Variants in HSPA12B observed in about 807,000 individuals in gnomAD.
HSPA12B encodes the protein heat shock 70 kDa protein 12B.
In HSPA12B, 54 loss-of-function variants were observed where a neutral mutation model predicts 69.3. That is an observed-to-expected ratio of 0.78 (90% CI 0.63 to 0.98). The LOEUF is 0.98. Ranked by LOEUF, HSPA12B falls within the 50% of genes least tolerant of loss-of-function variation. The pLI, the probability that HSPA12B is intolerant of heterozygous loss-of-function variation, is 0.00. For synonymous variants in HSPA12B, 441 were observed against 436.5 expected (o/e 1.01, Z -0.13); for missense variants, 929 against 999.8 (o/e 0.93, Z 0.96).
Position 3,751,608 on chromosome 20 carries a change from G to T in HSPA12B, c.1503G>T (p.Ala501=). Residue 501 remains alanine, a synonymous_variant, in exon 13 of 13, where the codon GCG becomes GCT. Coordinates refer to ENST00000254963, the MANE Select transcript of HSPA12B (RefSeq NM_052970.5). The part of the protein sequence containing the change: ...ESAVLQHAVQ[A]ALGARGLRVV... ...CGGTGCTGCAGCACGCGGTGCAGGC[G>T]GCGCTGGGCGCCCGCGGTCTGCGTG... 6.5e-7 allele frequency: 1 copy of T among 1,528,068 alleles called. No homozygotes were observed. The highest frequency in any genetic ancestry group is 2.5e-5 in the East Asian group (1 of 40,538). 94.7% of individuals were successfully genotyped at this position (1,528,068 alleles called of 1,614,324 possible). A position where few individuals can be genotyped will look rare whatever the true frequency, so the allele number is the denominator to read the frequency against.
Position 3,737,265 on chromosome 20 carries a change from G to A in HSPA12B, c.-17-1393G>A, listed in dbSNP as rs917421868. ...ATATCCTGCCTATAGCCTGGCCCCAGAACTTCATAGACAGGATCGAGCCCC... is the reference window on the plus strand; with the variant it reads ...ATATCCTGCCTATAGCCTGGCCCCAAAACTTCATAGACAGGATCGAGCCCC... On this transcript the variant is annotated intron_variant, in intron 1 of 12. Coordinates refer to ENST00000254963, the MANE Select transcript of HSPA12B (RefSeq NM_052970.5). This position sits in a 1 kb window ranked among gnomAD's most constrained non-coding sequence, Gnocchi z 4.1. Among the ~76,000 whole-genome samples the A allele has an allele frequency of 1.3e-5, 2 of 152,122 alleles. No homozygotes were observed. Among genetic ancestry groups the A allele is most frequent in the African/African-American group, 4.8e-5 (2 of 41,410 alleles).
At position 3,745,775 on chromosome 20, in the gene HSPA12B, C is replaced by T. The variant is rs1331124475; in HGVS notation, c.559-140C>T. The T allele has an allele frequency of 3.1e-6, 3 of 957,362 alleles. No homozygotes were observed. In the East Asian group the frequency reaches 7.2e-5, roughly 23 times the overall value. The allele number at this position is 957,362 out of a possible 1,614,324, so 59.3% of individuals were successfully genotyped here. Reference sequence around the variant, plus strand: ...CTGGTAGAGCCTGCACCAAGCCATACTGATGGGAGGGGGGCCGATTCTTCC... The same window carrying T: ...CTGGTAGAGCCTGCACCAAGCCATATTGATGGGAGGGGGGCCGATTCTTCC... On this transcript the variant is annotated intron_variant, in intron 6 of 12. Coordinates refer to ENST00000254963, the MANE Select transcript of HSPA12B (RefSeq NM_052970.5). This position sits in a 1 kb window ranked among gnomAD's most constrained non-coding sequence, Gnocchi z 5.6.
At position 3,752,213 on chromosome 20, in the gene HSPA12B, T is replaced by C. The variant is rs1308713507; in HGVS notation, c.*47T>C. On this transcript the variant is annotated 3_prime_UTR_variant, in exon 13 of 13. Coordinates refer to ENST00000254963, the MANE Select transcript of HSPA12B (RefSeq NM_052970.5). ...GCGCCGTCTGCCCGGCCCCGCCCTCTTTCGGTTCAGGGGCCTGCGGAGCGG... is the reference window on the plus strand; with the variant it reads ...GCGCCGTCTGCCCGGCCCCGCCCTCCTTCGGTTCAGGGGCCTGCGGAGCGG... The C allele has an allele frequency of 7.0e-6, 10 of 1,431,196 alleles. No homozygotes were observed. The highest frequency in any genetic ancestry group is 1.5e-5 in the African/African-American group (1 of 66,916). The allele number at this position is 1,431,196 out of a possible 1,614,324, so 88.7% of individuals were successfully genotyped here. A position where few individuals can be genotyped will look rare whatever the true frequency, so the allele number is the denominator to read the frequency against.
At chr20:3,748,084 G>A in intron 7 of HSPA12B, 133 bp from the exon 8 acceptor site, 1 of 794,196 alleles carries the variant, frequency 1.3e-6, no homozygotes, top group Non-Finnish European at 1.9e-6. Flanking sequence ...AGGGGCCTGA[G>A]AGGCCTAACA....
chr20:3,741,588 G>A (rs982588191), intron 3 of HSPA12B, among the ~76,000 whole-genome samples: 1 of 152,118 alleles, frequency 6.6e-6, no homozygotes, highest in Admixed American at 6.5e-5. Context: ...AGCCAAGATC[G>A]CACCACTGCA....
intron 1 of HSPA12B, among the ~76,000 whole-genome samples, chr20:3,733,694 G>C (rs2088065626): frequency 6.6e-6 from 1 of 152,212 alleles, no homozygotes; most frequent in Non-Finnish European, 1.5e-5. Flanking sequence ...TTTGGGTGCC[G>C]TTTCTGATCT....
intron 1 of HSPA12B, among the ~76,000 whole-genome samples, chr20:3,735,871 T>C (rs1568470483): frequency 6.6e-6 from 1 of 152,152 alleles, no homozygotes; most frequent in Non-Finnish European, 1.5e-5. Flanking sequence ...CCCCAGTGCT[T>C]AGCACAGAGC....
rs1019441659 is a variant in HSPA12B at position 3,750,616 on chromosome 20, C to T, written c.1302-188C>T. On this transcript the variant is annotated intron_variant, in intron 11 of 12. Coordinates refer to ENST00000254963, the MANE Select transcript of HSPA12B (RefSeq NM_052970.5). ...CCTGGAGCAGGCTGGCAACTAAATC[C>T]TCTGAGTGAGTAGGGTGGAGATAAG... 1.7e-5 allele frequency: 16 copies of T among 968,882 alleles called. No homozygotes were observed. In the South Asian group the frequency reaches 7.1e-4, roughly 43 times the overall value. The allele number at this position is 968,882 out of a possible 1,614,324, so 60.0% of individuals were successfully genotyped here.
At position 3,740,932 on chromosome 20, in the gene HSPA12B, C is replaced by A; in HGVS notation, c.141+20C>A. The A allele has an allele frequency of 1.3e-6, 2 of 1,599,794 alleles. No individual in the cohort carries two copies. The highest frequency in any genetic ancestry group is 8.5e-7 in the Non-Finnish European group (1 of 1,170,950). ...TCTCCAGTAAGCCCAGAGCAGGGAC[C>A]AGGTGGTGGGTGACCTGGCTGGTGT... On this transcript the variant is annotated intron_variant, in intron 3 of 12. Coordinates refer to ENST00000254963, the MANE Select transcript of HSPA12B (RefSeq NM_052970.5). This position sits in a 1 kb window ranked among gnomAD's most constrained non-coding sequence, Gnocchi z 4.9.
At position 3,749,355 on chromosome 20, in the gene HSPA12B, C is replaced by G; in HGVS notation, c.937+37C>G. 1 of 1,575,312 alleles carries G rather than the reference C, an allele frequency of 6.3e-7. No individual in the cohort carries two copies. The highest frequency in any genetic ancestry group is 1.1e-5 in the South Asian group (1 of 88,766). ...GGGGGACGGAGTGTTATCCTTGGCC[C>G]CTACCGGGCACCATATACTGATGGG... On this transcript the variant is annotated intron_variant, in intron 9 of 12. Coordinates refer to ENST00000254963, the MANE Select transcript of HSPA12B (RefSeq NM_052970.5). This position sits in a 1 kb window ranked among gnomAD's most constrained non-coding sequence, Gnocchi z 5.5.
At chr20:3,748,925 T>C (rs1225704484) in intron 8 of HSPA12B, among the ~76,000 whole-genome samples, 1 of 152,134 alleles carries the variant, frequency 6.6e-6, no homozygotes, top group East Asian at 1.9e-4. Context: ...CTGAGTCCCC[T>C]CTGAGACTCC....
At position 3,745,345 on chromosome 20, in the gene HSPA12B, G is replaced by A; in HGVS notation, c.454-148G>A. On this transcript the variant is annotated intron_variant, in intron 5 of 12. Transcript: ENST00000254963. This position sits in a 1 kb window ranked among gnomAD's most constrained non-coding sequence, Gnocchi z 5.6. ...GGGTGGGGCTAAGGAGAGGGGTCGG[G>A]GCAGAGCTAATGTCACATGGGGCAA... The A allele has an allele frequency of 1.5e-6, 1 of 682,940 alleles. No individual in the cohort carries two copies. The highest frequency in any genetic ancestry group is 2.6e-6 in the Non-Finnish European group (1 of 385,670). The allele number at this position is 682,940 out of a possible 1,614,324, so 42.3% of individuals were successfully genotyped here.
chr20:3,744,816 C>G lies in HSPA12B; in HGVS notation c.267-86C>G. 1 of 1,300,212 alleles carries G rather than the reference C, an allele frequency of 7.7e-7. No homozygotes were observed. The highest frequency in any genetic ancestry group is 1.1e-6 in the Non-Finnish European group (1 of 929,056). The allele number at this position is 1,300,212 out of a possible 1,614,324, so 80.5% of individuals were successfully genotyped here. On this transcript the variant is annotated intron_variant, in intron 4 of 12. Coordinates refer to ENST00000254963, the MANE Select transcript of HSPA12B (RefSeq NM_052970.5). The surrounding 1 kb of genome is among the most constrained non-coding windows in gnomAD (Gnocchi z 4.9). The stretch of plus-strand genomic sequence containing the variant: ...GCTAGTTCTCCCTGCTCTTTCACAT[C>G]TGTAAGTTTTTGCACATGCTGTTCC...
Position 3,752,013 on chromosome 20 carries a change from C to T in HSPA12B, c.1908C>T (p.Pro636=). ...GCGCGCTCAGCCTCGAGCTTGAGCCCGCCGACTGCGGCCAGGACACCGCCG... is the reference window on the plus strand; with the variant it reads ...GCGCGCTCAGCCTCGAGCTTGAGCCTGCCGACTGCGGCCAGGACACCGCCG... ...KCGALSLELE[P]ADCGQDTAGA... The change falls in exon 13 of 13, where the codon CCC becomes CCT. Residue 636 remains proline, a synonymous_variant. Transcript: ENST00000254963. 1 of 1,565,488 alleles carries T rather than the reference C, an allele frequency of 6.4e-7. No homozygotes were observed.
At chr20:3,747,888 G>C (rs1052105067) in intron 7 of HSPA12B, among the ~76,000 whole-genome samples, 2 of 152,260 alleles carry the variant, frequency 1.3e-5, no homozygotes, top group Non-Finnish European at 1.5e-5. Flanking sequence ...ACCTGTGAAG[G>C]GGAACCTTGC....
At position 3,742,324 on chromosome 20, in the gene HSPA12B, T is replaced by C; in HGVS notation, c.182T>C (p.Val61Ala). ...GCCCCCCAGCAGGCCTCCTTCTCTG[T>C]GGTGGTGGCCATTGACTTCGGCACC... ...VRAPQQASFS[V>A]VVAIDFGTTS... Residue 61 changes from valine (V) to alanine (A), a missense_variant, in exon 4 of 13, where the codon GTG (valine) becomes GCG (alanine). Physicochemically the swap from Val to Ala is moderately conservative, Grantham distance 64 (BLOSUM62 0). Transcript: ENST00000254963. 6.2e-7 allele frequency: 1 copy of C among 1,614,010 alleles called. No individual in the cohort carries two copies. Among genetic ancestry groups the C allele is most frequent in the Non-Finnish European group, 8.5e-7 (1 of 1,179,864 alleles).
At chr20:3,733,229 C>G (rs1435984624) in intron 1 of HSPA12B, among the ~76,000 whole-genome samples, 1 of 152,110 alleles carries the variant, frequency 6.6e-6, no homozygotes, top group Non-Finnish European at 1.5e-5. Flanking sequence ...CAACAGAGTA[C>G]TGAGTGGCCC....
chr20:3,745,047 C>T lies in HSPA12B; in HGVS notation c.412C>T (p.Leu138Phe), dbSNP rs1162808467. ...DLDPEEARDW[L>F]YFEKFKMKIH... ...GGACCCCGAAGAGGCGCGGGACTGGCTCTACTTCGAGAAGTTCAAGATGAA... is the reference window on the plus strand; with the variant it reads ...GGACCCCGAAGAGGCGCGGGACTGGTTCTACTTCGAGAAGTTCAAGATGAA... The change falls in exon 5 of 13, where the codon CTC becomes TTC. Residue 138 changes from leucine (L) to phenylalanine (F), a missense_variant. Around this residue, in one of 3 missense-constraint regions of HSPA12B, gnomAD observed 477 missense variants for 535.2 expected, o/e 0.89. Coordinates refer to ENST00000254963, the MANE Select transcript of HSPA12B (RefSeq NM_052970.5). This position sits in a 1 kb window ranked among gnomAD's most constrained non-coding sequence, Gnocchi z 5.6. 6.2e-7 allele frequency: 1 copy of T among 1,613,762 alleles called. No individual in the cohort carries two copies. Among genetic ancestry groups the T allele is most frequent in the Admixed American group, 1.7e-5 (1 of 60,000 alleles).
Position 3,749,815 on chromosome 20 carries a change from CA to C in HSPA12B, c.1004del (p.Gln335ArgfsTer51). 6.2e-7 allele frequency: 1 copy of C among 1,608,764 alleles called. No homozygotes were observed. Among genetic ancestry groups the C allele is most frequent in the Non-Finnish European group, 8.5e-7 (1 of 1,178,486 alleles). On this transcript the variant is annotated frameshift_variant, in exon 10 of 13. Transcript: ENST00000254963. LOFTEE classifies it high-confidence loss of function. The surrounding 1 kb of genome is among the most constrained non-coding windows in gnomAD (Gnocchi z 5.5). Reference sequence around the variant, plus strand: ...GGACCTGACGGTGCACCAGCTGGAGCAGCCCCATGGCACCCTCAAGGAGCTC... The same window carrying C: ...GGACCTGACGGTGCACCAGCTGGAGCGCCCCATGGCACCCTCAAGGAGCTC... Reference protein sequence around the residue: ...TVDLTVHQLEQPHGTLKELYK... With the variant: ...TVDLTVHQLEXPHGTLKELYK...
Sources: gnomAD v4.1 joint callset for allele counts (sites outside exome capture counted in the v4.1 genomes callset) on GRCh38, gnomAD v4.1.1 for gene constraint, gnomAD v4.1.1 regional missense constraint, Gnocchi (gnomAD v3.1) non-coding constraint, MANE v1.5 for transcripts, NCBI Gene and HGNC (gene_info 2026-07-23, HGNC 2026-07-21) for gene names.